Variants in NPC1 observed in about 807,000 individuals in gnomAD.
NPC1 encodes NPC intracellular cholesterol transporter 1, also known as Niemann-Pick C1 protein.
NPC1 carries 85 observed loss-of-function variants against 140.4 expected under a neutral mutation model. The ratio of observed to expected loss-of-function variants is 0.61; its 90% confidence interval spans 0.51 to 0.72. The LOEUF is 0.72. Among genes scored for constraint, NPC1 ranks in the 30% least tolerant of loss-of-function variants. NPC1 has a pLI of 0.00. For synonymous variants in NPC1, 656 were observed against 624.8 expected, an observed-to-expected ratio of 1.05 and a Z score of -0.74; for missense variants, 1,504 against 1,623.8, an observed-to-expected ratio of 0.93 and a Z score of 1.27.
chr18:23,532,250 A>C lies in NPC1; in HGVS notation c.3789T>G (p.Thr1263=), dbSNP rs1269193924. 1.2e-6 allele frequency: 2 copies of C among 1,614,202 alleles called. No individual in the cohort carries two copies. Among genetic ancestry groups the C allele is most frequent in the East Asian group, 2.2e-5 (1 of 44,882 alleles). ...PSVNKAKSCA[T]EERYKGTERE... is the part of the protein sequence containing the mutation. ...GCTCTGTTCCTTTGTATCGCTCTTC[A>C]GTGGCACAACTTTTGGCTTTATTTA... The change falls in exon 25 of 25, where the codon ACT becomes ACG. Residue 1263 remains threonine, a synonymous_variant. Coordinates refer to ENST00000269228, the MANE Select transcript of NPC1 (RefSeq NM_000271.5).
rs988779916 is a variant in NPC1 at position 23,557,240 on chromosome 18, G to A, written c.882-50C>T. ...GCATTAGTGGACTTCATCACAGTGA[G>A]GTTGTTTTTGGGACATTCCTGTAAT... On this transcript the variant is annotated intron_variant, in intron 6 of 24. Transcript: ENST00000269228. 3 of 1,404,636 alleles carry A rather than the reference G, an allele frequency of 2.1e-6. No individual in the cohort carries two copies. The South Asian group carries it at 3.5e-5, about 16-fold the overall frequency. The allele number at this position is 1,404,636 out of a possible 1,614,324, so 87.0% of individuals were successfully genotyped here.
intron 1 of NPC1, among the ~76,000 whole-genome samples, chr18:23,577,870 C>T (rs1392927234): frequency 6.6e-6 from 1 of 152,258 alleles, no homozygotes; most frequent in African/African-American, 2.4e-5. Context: ...AGCCACTGGC[C>T]CGGGTGCTAA....
At chr18:23,551,394 C>T (rs1182097695) in intron 10 of NPC1, among the ~76,000 whole-genome samples, 1 of 152,144 alleles carries the variant, frequency 6.6e-6, no homozygotes, top group Non-Finnish European at 1.5e-5. Flanking sequence ...ACTTAGCCTT[C>T]GACAGCTTCT....
chr18:23,524,824 G>A (rs190141080), downstream of NPC1, among the ~76,000 whole-genome samples: 42 of 151,672 alleles, frequency 2.8e-4, no homozygotes, highest in Middle Eastern at 3.4e-3. Flanking sequence ...ACCGGTGTCC[G>A]TGCCCTTTTC....
downstream of NPC1, among the ~76,000 whole-genome samples, chr18:23,519,417 C>T (rs1285224439): frequency 6.6e-6 from 1 of 151,870 alleles, no homozygotes; most frequent in Non-Finnish European, 1.5e-5. Context: ...ACTTGTGGGG[C>T]TAAGGCTGGA....
Position 23,533,363 on chromosome 18 carries a change from CTG to C in NPC1, c.3744_3745del (p.Ser1249LeufsTer8). ...AAGATGAGAACTCTTACCTATGTAA[CTG>C]AGTAAGACAGGGAGAAATATTAATC... On this transcript the variant is annotated frameshift_variant, in exon 24 of 25. Transcript: ENST00000269228. LOFTEE classifies it high-confidence loss of function. The C allele has an allele frequency of 6.2e-7, 1 of 1,613,826 alleles. No homozygotes were observed. The highest frequency in any genetic ancestry group is 8.5e-7 in the Non-Finnish European group (1 of 1,179,692).
At chr18:23,562,549 G>A (rs2059058858) in intron 4 of NPC1, among the ~76,000 whole-genome samples, 1 of 152,080 alleles carries the variant, frequency 6.6e-6, no homozygotes, top group South Asian at 2.1e-4. Context: ...TGGAAAGACA[G>A]GTTAACTAGG....
At chr18:23,575,360 G>A (rs7232567) in intron 1 of NPC1, among the ~76,000 whole-genome samples, 1,770 of 152,256 alleles carry the variant, frequency 0.012, 35 homozygotes, top group African/African-American at 0.041. Context: ...GTGAGAAGGC[G>A]GCACGGAGTG....
At chr18:23,519,174 G>A, downstream of NPC1, 1 of 1,612,064 alleles carries the variant, frequency 6.2e-7, no homozygotes, top group Non-Finnish European at 8.5e-7. Flanking sequence ...AGGATACAGA[G>A]GTACAAGCTG....
intron 1 of NPC1, among the ~76,000 whole-genome samples, chr18:23,583,504 T>A (rs763773629): frequency 1.3e-5 from 2 of 151,996 alleles, no homozygotes; most frequent in Non-Finnish European, 2.9e-5. Context: ...ATGGGCAGGA[T>A]TTTGCTAGCA....
rs375922122 is a variant in NPC1 at position 23,554,993 on chromosome 18, A to G, written c.1327-9T>C. 2 of 1,584,786 alleles carry G rather than the reference A, an allele frequency of 1.3e-6. No individual in the cohort carries two copies. Among genetic ancestry groups the G allele is most frequent in the Admixed American group, 1.7e-5 (1 of 59,960 alleles). On this transcript the variant is annotated splice_polypyrimidine_tract_variant and intron_variant, in intron 8 of 24. Transcript: ENST00000269228. ...ATTTGTAAGTCAAGAACCTGAAAGA[A>G]GATTTTAAAAATAAGCAAACCCAGA...
downstream of NPC1, chr18:23,530,018 T>C (rs1225367360): frequency 6.2e-7 from 1 of 1,607,280 alleles, no homozygotes; most frequent in Admixed American, 1.7e-5. Flanking sequence ...CTTTTTACTT[T>C]TGTCCTCAGC....
chr18:23,516,490 G>A (rs2058008488), intron 3 of NPC1: 1 of 1,535,566 alleles, frequency 6.5e-7, no homozygotes, highest in Admixed American at 1.7e-5. Flanking sequence ...TAGAAGGAGT[G>A]TGTTACAAGC....
chr18:23,541,504 T>C, intron 14 of NPC1, 71 bp from the exon 15 acceptor site: 1 of 1,603,692 alleles, frequency 6.2e-7, no homozygotes, highest in East Asian at 2.2e-5. Flanking sequence ...CTTATGTTCA[T>C]GTGCATGTAC....
chr18:23,553,689 G>A (rs529135242), intron 9 of NPC1, among the ~76,000 whole-genome samples: 1 of 152,324 alleles, frequency 6.6e-6, no homozygotes, highest in East Asian at 1.9e-4. Flanking sequence ...AGCATTCAGG[G>A]AGAGTAGGCC....
chr18:23,530,050 T>A, downstream of NPC1: 3 of 1,614,186 alleles, frequency 1.9e-6, no homozygotes, highest in Non-Finnish European at 2.5e-6. Context: ...GAACTTGTTA[T>A]CAAAACCCTT....
In NPC1 at chr18:23,545,021, G is replaced by A; in HGVS notation, c.1886C>T (p.Ala629Val). The A allele has an allele frequency of 6.3e-7, 1 of 1,593,534 alleles. No individual in the cohort carries two copies. Among genetic ancestry groups the A allele is most frequent in the Middle Eastern group, 1.7e-4 (1 of 6,006 alleles). ...SDVFTVVISY[A>V]IMFLYISLAL... ...TAGGGAAATATATAGAAACATGATG[G>A]CATAGCTAATTACAACGGTGAAGAC... The change falls in exon 12 of 25, where the codon GCC becomes GTC. Residue 629 changes from alanine to valine, a missense_variant. By Grantham distance (64) the Ala-to-Val change is moderately conservative. Transcript: ENST00000269228.
In NPC1 at chr18:23,539,730, G is replaced by A. The variant is rs542372719; in HGVS notation, c.2795+81C>T. 2.0e-5 allele frequency: 29 copies of A among 1,439,426 alleles called. No individual in the cohort carries two copies. The East Asian group carries it at 6.4e-4, about 32-fold the overall frequency. The allele number at this position is 1,439,426 out of a possible 1,614,324, so 89.2% of individuals were successfully genotyped here. Reference sequence around the variant, plus strand: ...TTTTCCAAGAAAGTCTATTTTCAGTGAGACATTTCAGGCCTGAGCTGACTG... The same window carrying A: ...TTTTCCAAGAAAGTCTATTTTCAGTAAGACATTTCAGGCCTGAGCTGACTG... On this transcript the variant is annotated intron_variant, in intron 18 of 24. Transcript: ENST00000269228.
intron 3 of NPC1, among the ~76,000 whole-genome samples, chr18:23,510,684 T>C (rs1424518574): frequency 1.3e-5 from 2 of 150,966 alleles, no homozygotes; most frequent in Non-Finnish European, 2.9e-5. Context: ...GAGCAGACAC[T>C]TTTTAAAAGA....
Sources: gnomAD v4.1 joint callset for allele counts (sites outside exome capture counted in the v4.1 genomes callset) on GRCh38, gnomAD v4.1.1 for gene constraint, MANE v1.5 for transcripts, NCBI Gene and HGNC (gene_info 2026-07-23, HGNC 2026-07-21) for gene names.